PDE3A: variants seen among roughly 807,000 people sequenced by gnomAD.
The protein encoded by PDE3A is phosphodiesterase 3A.
A neutral mutation model predicts 98.3 loss-of-function variants in PDE3A; 43 were observed. The ratio of observed to expected loss-of-function variants is 0.44; its 90% CI spans 0.34 to 0.56. The LOEUF (loss-of-function observed/expected upper bound fraction) is 0.56, where lower values mean the gene tolerates loss of function less well. PDE3A is among the 20% of genes least tolerant of loss of function. The pLI, the probability that PDE3A is intolerant of heterozygous loss-of-function variation, is 0.01. For synonymous variants in PDE3A, 663 were observed against 567.9 expected (o/e 1.17, Z -2.38); for missense variants, 1,427 against 1,440.7 (o/e 0.99, Z 0.15).
chr12:20,551,489 T>C, intron 1 of PDE3A: 2 of 753,098 alleles, frequency 2.7e-6, no homozygotes, highest in East Asian at 2.7e-5. Context: ...TGGCCGTTCT[T>C]AGTTGGTGGA....
intron 15 of PDE3A, among the ~76,000 whole-genome samples, chr12:20,672,513 G>A (rs1945512143): frequency 6.6e-6 from 1 of 151,968 alleles, no homozygotes; most frequent in South Asian, 2.1e-4. Flanking sequence ...ATACAAGAAT[G>A]GAACAGAACA....
At chr12:20,449,948 C>T (rs1945035172) in intron 1 of PDE3A, 3 of 782,676 alleles carry the variant, frequency 3.8e-6, no homozygotes, top group Non-Finnish European at 6.1e-6. Flanking sequence ...ATTCTGAAGG[C>T]CCCCTTATAT....
At chr12:20,415,544 T>A (rs1054057771) in intron 1 of PDE3A, among the ~76,000 whole-genome samples, 1 of 152,038 alleles carries the variant, frequency 6.6e-6, no homozygotes, top group Non-Finnish European at 1.5e-5. Flanking sequence ...TTCAAGCGAT[T>A]CTCCCATCTC....
At chr12:20,461,026 A>T (rs1302837632) in intron 1 of PDE3A, among the ~76,000 whole-genome samples, 2 of 152,166 alleles carry the variant, frequency 1.3e-5, no homozygotes, top group Non-Finnish European at 2.9e-5. Context: ...CAGTGGTGGT[A>T]TAAAAGATTG....
intron 15 of PDE3A, among the ~76,000 whole-genome samples, chr12:20,655,451 C>T (rs1275841270): frequency 6.6e-6 from 1 of 152,072 alleles, no homozygotes; most frequent in East Asian, 1.9e-4. Flanking sequence ...CAGCCGGGAA[C>T]GAACTGTCCA....
intron 2 of PDE3A, among the ~76,000 whole-genome samples, chr12:20,597,880 A>T (rs1234386898): frequency 1.4e-5 from 2 of 145,182 alleles, no homozygotes; most frequent in East Asian, 4.1e-4. Flanking sequence ...GAAGAAATGG[A>T]TATTTTTTCA....
chr12:20,561,685 TC>T (rs1176196796), intron 2 of PDE3A, among the ~76,000 whole-genome samples: 1 of 152,124 alleles, frequency 6.6e-6, no homozygotes, highest in Non-Finnish European at 1.5e-5. Context: ...CCCTGGCTTC[TC>T]CCGGGATACT....
At chr12:20,474,807 G>A (rs918379169) in intron 1 of PDE3A, among the ~76,000 whole-genome samples, 5 of 152,142 alleles carry the variant, frequency 3.3e-5, no homozygotes, top group Non-Finnish European at 4.4e-5. Context: ...GCTCCATTCA[G>A]ATAATCGGGG....
At chr12:20,661,949 G>C (rs573604061) in intron 15 of PDE3A, among the ~76,000 whole-genome samples, 1 of 152,206 alleles carries the variant, frequency 6.6e-6, no homozygotes, top group African/African-American at 2.4e-5. Flanking sequence ...TCCACCAACA[G>C]CTGGCACCAT....
chr12:20,577,757 G>A (rs1396702550), intron 2 of PDE3A, among the ~76,000 whole-genome samples: 1 of 152,076 alleles, frequency 6.6e-6, no homozygotes, highest in Non-Finnish European at 1.5e-5. Context: ...TGTGTTCTGT[G>A]GCACAGAAAT....
chr12:20,546,530 G>A (rs145654366), intron 1 of PDE3A, among the ~76,000 whole-genome samples: 1 of 152,038 alleles, frequency 6.6e-6, no homozygotes, highest in East Asian at 1.9e-4. Context: ...ATGGAATGCT[G>A]CAGAGAGCAA....
intron 1 of PDE3A, among the ~76,000 whole-genome samples, chr12:20,450,622 C>G (rs1487742671): frequency 6.6e-6 from 1 of 152,162 alleles, no homozygotes; most frequent in Non-Finnish European, 1.5e-5. Context: ...GTTACTTTAA[C>G]ATTTGAGAGA....
At chr12:20,575,555 T>G (rs530393437) in intron 2 of PDE3A, among the ~76,000 whole-genome samples, 1 of 152,146 alleles carries the variant, frequency 6.6e-6, no homozygotes, top group East Asian at 1.9e-4. Context: ...TGTCTACTGG[T>G]TACAATACAG....
chr12:20,462,896 C>T (rs542375960), intron 1 of PDE3A, among the ~76,000 whole-genome samples: 1 of 151,912 alleles, frequency 6.6e-6, no homozygotes, highest in South Asian at 2.1e-4. Flanking sequence ...CTCAAGGGAT[C>T]CTCCTACTTC....
At chr12:20,637,972 GC>G (rs1442275898) in intron 9 of PDE3A, among the ~76,000 whole-genome samples, 1 of 152,132 alleles carries the variant, frequency 6.6e-6, no homozygotes, top group Non-Finnish European at 1.5e-5. Flanking sequence ...ATATGTATCA[GC>G]TTATCTTCAC....
chr12:20,523,287 T>C (rs1946462719), intron 1 of PDE3A, among the ~76,000 whole-genome samples: 6 of 152,100 alleles, frequency 3.9e-5, no homozygotes, highest in Admixed American at 3.3e-4. Context: ...TACAGGTAAG[T>C]GTTCTCCCTT....
At position 20,598,139 on chromosome 12, in the gene PDE3A, G is replaced by A. The variant is rs1278121833; in HGVS notation, c.1012-15304G>A. Among the ~76,000 whole-genome samples the A allele has an allele frequency of 2.0e-5, 3 of 151,592 alleles. No individual in the cohort carries two copies. The East Asian group carries it at 5.8e-4, about 29-fold the overall frequency. ...TTGATGGAATCCTTGATTAGTTGTA[G>A]CAAATGAAATTTACTGACTTTTATT... On this transcript the variant is annotated intron_variant, in intron 2 of 15. Coordinates refer to ENST00000359062, the MANE Select transcript of PDE3A (RefSeq NM_000921.5).
At chr12:20,387,325 T>C (rs1231319686) in intron 1 of PDE3A, among the ~76,000 whole-genome samples, 1 of 152,054 alleles carries the variant, frequency 6.6e-6, no homozygotes, top group African/African-American at 2.4e-5. Flanking sequence ...TCAATGGTAG[T>C]TTAATGGGAA....
At chr12:20,378,443 A>G (rs568573745) in intron 1 of PDE3A, among the ~76,000 whole-genome samples, 13 of 151,734 alleles carry the variant, frequency 8.6e-5, no homozygotes, top group Non-Finnish European at 1.6e-4. Flanking sequence ...TATAACGTTT[A>G]TATCTGTGTG....
Sources: allele counts gnomAD v4.1 joint callset (sites outside exome capture counted in the v4.1 genomes callset), GRCh38; gene constraint gnomAD v4.1.1; transcripts MANE v1.5; gene names NCBI Gene and HGNC (gene_info 2026-07-23, HGNC 2026-07-21).